AGBL1: variants seen among roughly 807,000 people sequenced by gnomAD.
AGBL1 encodes the protein cytosolic carboxypeptidase 4.
Under a neutral mutation model 118.9 loss-of-function variants are expected in AGBL1, and 130 were observed. The observed-to-expected ratio is 1.09, with a 90% confidence interval of 0.95 to 1.26. The LOEUF is 1.26. AGBL1 is among the 50% of genes most tolerant of loss of function. The pLI is 0.00. For missense variants in AGBL1, 1,584 were observed against 1,298.1 expected, an observed-to-expected ratio of 1.22 and a Z score of -3.38; for synonymous variants, 555 against 478.9, an observed-to-expected ratio of 1.16 and a Z score of -2.08.
At chr15:86,892,053 C>A (rs770690733) in intron 22 of AGBL1, among the ~76,000 whole-genome samples, 2 of 152,108 alleles carry the variant, frequency 1.3e-5, no homozygotes, top group African/African-American at 4.8e-5. Flanking sequence ...TTAGGTCAAC[C>A]CATTTTTTCA....
At position 86,224,960 on chromosome 15, in the gene AGBL1, C is replaced by G. The variant is rs1362498551; in HGVS notation, c.526+9C>G. The G allele has an allele frequency of 6.2e-7, 1 of 1,612,774 alleles. No homozygotes were observed. Among genetic ancestry groups the G allele is most frequent in the African/African-American group, 1.3e-5 (1 of 74,756 alleles). On this transcript the variant is annotated intron_variant, in intron 6 of 22. Transcript: ENST00000614907. ...AGCATTGCTGAAATCCAGTAAGCAC[C>G]TCTTTTGAAGGGTGGCTATTTCTCT... is the stretch of plus-strand genomic sequence containing the variant.
intron 23 of AGBL1, among the ~76,000 whole-genome samples, chr15:86,976,502 G>T (rs959092461): frequency 6.6e-6 from 1 of 151,822 alleles, no homozygotes; most frequent in East Asian, 1.9e-4. Flanking sequence ...TTATAAACAC[G>T]CTAGAATAAA....
At chr15:86,784,374 A>G (rs2078376675) in intron 22 of AGBL1, among the ~76,000 whole-genome samples, 1 of 152,188 alleles carries the variant, frequency 6.6e-6, no homozygotes, top group Admixed American at 6.5e-5. Context: ...AAATTCCAGA[A>G]ATAATAGCCA....
At chr15:86,449,786 G>C (rs1415736680) in intron 18 of AGBL1, among the ~76,000 whole-genome samples, 1 of 152,148 alleles carries the variant, frequency 6.6e-6, no homozygotes, top group Non-Finnish European at 1.5e-5. Context: ...CTGGGTTGTT[G>C]CATGCGTGCC....
intron 22 of AGBL1, among the ~76,000 whole-genome samples, chr15:86,728,742 G>A (rs746514764): frequency 1.3e-4 from 20 of 151,630 alleles, no homozygotes; most frequent in Admixed American, 3.3e-4. Flanking sequence ...AAAATTTTGT[G>A]TCTGGAGTTA....
At chr15:87,007,977 A>G (rs1043796933) in intron 24 of AGBL1, among the ~76,000 whole-genome samples, 2 of 152,240 alleles carry the variant, frequency 1.3e-5, no homozygotes, top group Non-Finnish European at 2.9e-5. Context: ...CATAAAGAAG[A>G]AAATTTGGAT....
chr15:86,987,157 T>C (rs2081293320), intron 23 of AGBL1, among the ~76,000 whole-genome samples: 1 of 152,194 alleles, frequency 6.6e-6, no homozygotes, highest in Non-Finnish European at 1.5e-5. Context: ...ACCATTTAAA[T>C]ATCCCTTCTT....
Position 86,910,769 on chromosome 15 carries a change from G to C in AGBL1, c.*3475G>C, listed in dbSNP as rs1214464858. 6.6e-6 allele frequency: 1 copy of C among 152,190 alleles called. No individual in the cohort carries two copies. The highest frequency in any genetic ancestry group is 3.2e-3 in the Middle Eastern group (1 of 316). 9.4% of individuals were successfully genotyped at this position (152,190 alleles called of 1,614,324 possible). A position where few individuals can be genotyped will look rare whatever the true frequency, so the allele number is the denominator to read the frequency against. ...GTACCTAACACTTGGTGATTTTGGG[G>C]ACACAGGTGAATGTCCTGAGCACCT... On this transcript the variant is annotated 3_prime_UTR_variant, in exon 23 of 23. Transcript: ENST00000614907.
chr15:86,969,503 A>T (rs1368349583), intron 23 of AGBL1, among the ~76,000 whole-genome samples: 1 of 151,752 alleles, frequency 6.6e-6, no homozygotes, highest in Non-Finnish European at 1.5e-5. Flanking sequence ...GTGAATATTC[A>T]CCTTTATGTA....
intron 21 of AGBL1, among the ~76,000 whole-genome samples, chr15:86,632,029 ATT>A (rs60551645): frequency 5.5e-5 from 8 of 146,008 alleles, no homozygotes; most frequent in African/African-American, 1.0e-4. Context: ...TATTTCCACA[ATT>A]TTTTTTTTTT....
chr15:86,735,206 C>T (rs1567147161), intron 22 of AGBL1, among the ~76,000 whole-genome samples: 2 of 152,102 alleles, frequency 1.3e-5, no homozygotes, highest in Non-Finnish European at 2.9e-5. Flanking sequence ...CTCAACTTCC[C>T]AAGCATCTGG....
At chr15:86,240,851 C>G (rs569370174) in intron 6 of AGBL1, among the ~76,000 whole-genome samples, 7 of 152,278 alleles carry the variant, frequency 4.6e-5, no homozygotes, top group African/African-American at 1.7e-4. Context: ...TAGAGGGCCT[C>G]AAGTCCTTGT....
At chr15:86,270,170 A>C in intron 14 of AGBL1, 103 bp downstream of exon 14, 2 of 1,438,130 alleles carry the variant, frequency 1.4e-6, no homozygotes, top group Non-Finnish European at 1.8e-6. Flanking sequence ...GAGGGTTTGA[A>C]GTTGGGCAGA....
At chr15:86,214,446 A>G (rs998600638) in intron 5 of AGBL1, among the ~76,000 whole-genome samples, 2 of 152,240 alleles carry the variant, frequency 1.3e-5, no homozygotes, top group African/African-American at 2.4e-5. Flanking sequence ...ATACCTCTCT[A>G]TATACATATT....
chr15:86,584,649 G>C (rs1292631214), intron 21 of AGBL1, among the ~76,000 whole-genome samples: 1 of 152,060 alleles, frequency 6.6e-6, no homozygotes, highest in East Asian at 1.9e-4. Flanking sequence ...GCTTAGGATT[G>C]CTTGGCTATT....
intron 22 of AGBL1, among the ~76,000 whole-genome samples, chr15:86,787,927 C>A (rs1487281605): frequency 6.6e-6 from 1 of 152,036 alleles, no homozygotes; most frequent in Non-Finnish European, 1.5e-5. Context: ...ATTTTGAACA[C>A]TAATTCTTGC....
intron 22 of AGBL1, among the ~76,000 whole-genome samples, chr15:86,690,125 GTAAAGAGTGATACA>G (rs1229579471): frequency 6.6e-6 from 1 of 152,160 alleles, no homozygotes; most frequent in Non-Finnish European, 1.5e-5. Context: ...ATAATGGTAA[GTAAAGAGTGATACA>G]TACAAGGAAT....
intron 21 of AGBL1, among the ~76,000 whole-genome samples, chr15:86,562,319 C>G (rs2083837396): frequency 6.6e-6 from 1 of 152,186 alleles, no homozygotes; most frequent in Non-Finnish European, 1.5e-5. Flanking sequence ...TATGTCCCAT[C>G]AATACCTAAT....
intron 21 of AGBL1, among the ~76,000 whole-genome samples, chr15:86,599,590 A>G (rs16977828): frequency 0.068 from 10,367 of 152,200 alleles, 1,010 homozygotes; most frequent in African/African-American, 0.22. Context: ...ATATAATGGC[A>G]TGGCAAATTG....
Sources: gnomAD v4.1 joint callset for allele counts (sites outside exome capture counted in the v4.1 genomes callset) on GRCh38, gnomAD v4.1.1 for gene constraint, MANE v1.5 for transcripts, NCBI Gene and HGNC (gene_info 2026-07-23, HGNC 2026-07-21) for gene names.